The following BMPR1B variants were observed in gnomAD, a reference collection of about 807,000 sequenced individuals.
The protein encoded by BMPR1B is bone morphogenetic protein receptor type-1B.
A neutral mutation model predicts 59.1 loss-of-function variants in BMPR1B; 12 were observed. That is an observed-to-expected ratio of 0.20 (90% CI 0.13 to 0.33). BMPR1B has a LOEUF of 0.33. Ranked by LOEUF, BMPR1B falls within the 10% of genes least tolerant of loss-of-function variation. BMPR1B has a pLI of 1.00. For synonymous variants in BMPR1B, 237 were observed against 207.3 expected, an observed-to-expected ratio of 1.14 and a Z score of -1.23; for missense variants, 550 against 610.9, an observed-to-expected ratio of 0.90 and a Z score of 1.05.
At chr4:94,802,047 A>G (rs1168430600) in intron 1 of BMPR1B, among the ~76,000 whole-genome samples, 1 of 152,190 alleles carries the variant, frequency 6.6e-6, no homozygotes, top group African/African-American at 2.4e-5. Context: ...GATTAAATGC[A>G]TAGGGTTATT....
chr4:95,116,033 C>G (rs1301193196), intron 6 of BMPR1B, among the ~76,000 whole-genome samples: 2 of 151,982 alleles, frequency 1.3e-5, no homozygotes, highest in African/African-American at 2.4e-5. Context: ...ATTGCTATTC[C>G]TAGAGTTTGT....
chr4:95,026,107 T>TTTCCTTCTTTCTTTCC (rs1206670464), intron 3 of BMPR1B, among the ~76,000 whole-genome samples: 1 of 129,534 alleles, frequency 7.7e-6, no homozygotes, highest in South Asian at 2.7e-4. Context: ...CATTTCTTTC[T>TTTCCTTCTTTCTTTCC]TTCTTTCTTT....
At chr4:94,947,465 G>A (rs1729761742) in intron 2 of BMPR1B, among the ~76,000 whole-genome samples, 1 of 152,176 alleles carries the variant, frequency 6.6e-6, no homozygotes, top group Non-Finnish European at 1.5e-5. Context: ...CTTTCCAGAT[G>A]CCCACGCCTT....
intron 10 of BMPR1B, among the ~76,000 whole-genome samples, chr4:95,146,154 T>C (rs985806702): frequency 6.6e-6 from 1 of 152,100 alleles, no homozygotes; most frequent in Non-Finnish European, 1.5e-5. Context: ...CAAATGTTAC[T>C]AGGGAGAAGA....
At chr4:94,976,795 C>G (rs1168428887) in intron 2 of BMPR1B, among the ~76,000 whole-genome samples, 1 of 152,092 alleles carries the variant, frequency 6.6e-6, no homozygotes, top group Non-Finnish European at 1.5e-5. Context: ...ATATTCCATA[C>G]TGACTCTGAA....
At chr4:94,882,579 T>C (rs1378299171) in intron 2 of BMPR1B, among the ~76,000 whole-genome samples, 1 of 152,172 alleles carries the variant, frequency 6.6e-6, no homozygotes, top group Non-Finnish European at 1.5e-5. Context: ...TAATCCTCTT[T>C]TTGCAGATGA....
chr4:95,053,845 G>T (rs1726714079), intron 3 of BMPR1B, among the ~76,000 whole-genome samples: 1 of 152,090 alleles, frequency 6.6e-6, no homozygotes, highest in Non-Finnish European at 1.5e-5. Flanking sequence ...TACAGAATGT[G>T]CTATAAACAG....
chr4:95,104,498 C>G lies in BMPR1B; in HGVS notation c.74C>G (p.Pro25Arg), dbSNP rs145700191. ...GATGGTGAGAGTACAGCCCCCACCC[C>G]CCGTCCAAAGGTCTTGCGTTGTAAA... The part of the protein sequence containing the change: ...KEDGESTAPT[P>R]RPKVLRCKCH... Residue 25 changes from proline to arginine, a missense_variant, in exon 4 of 13, where the codon CCC (proline) becomes CGC (arginine). By Grantham distance (103) the Pro-to-Arg change is moderately radical. Transcript: ENST00000515059. 89 of 1,613,464 alleles carry G rather than the reference C, an allele frequency of 5.5e-5. 1 individual carries two copies. In the African/African-American group the frequency reaches 6.8e-4, roughly 12 times the overall value.
rs1302781353 is a variant in BMPR1B at position 95,158,351 on chromosome 4, G to A, written c.*3678G>A. 3 of 152,098 alleles carry A rather than the reference G, an allele frequency of 2.0e-5. No individual in the cohort carries two copies. The highest frequency in any genetic ancestry group is 6.5e-5 in the Admixed American group (1 of 15,268). The allele number at this position is 152,098 out of a possible 1,614,324, so 9.4% of individuals were successfully genotyped here. A position where few individuals can be genotyped will look rare whatever the true frequency, so the allele number is the denominator to read the frequency against. ...TATATACTGTAATTATTCAGGACTA[G>A]GGAACAAACAATTGTATTGTATTTG... On this transcript the variant is annotated 3_prime_UTR_variant, in exon 13 of 13. Transcript: ENST00000515059.
At chr4:94,951,478 A>G (rs998495884) in intron 2 of BMPR1B, among the ~76,000 whole-genome samples, 2 of 152,160 alleles carry the variant, frequency 1.3e-5, no homozygotes, top group African/African-American at 2.4e-5. Flanking sequence ...TGTTTTTAGC[A>G]TGAAGCGCTG....
intron 2 of BMPR1B, among the ~76,000 whole-genome samples, chr4:94,985,386 T>C (rs1009790916): frequency 1.3e-5 from 2 of 151,964 alleles, no homozygotes; most frequent in African/African-American, 4.8e-5. Context: ...TACTCAAGAA[T>C]CTCGAGTAGA....
chr4:94,856,203 T>C (rs748253369), intron 1 of BMPR1B, among the ~76,000 whole-genome samples: 2 of 152,172 alleles, frequency 1.3e-5, no homozygotes, highest in African/African-American at 2.4e-5. Flanking sequence ...TTTGATAAGA[T>C]CTGCTGCTTG....
intron 3 of BMPR1B, among the ~76,000 whole-genome samples, chr4:95,016,048 A>G (rs1259332485): frequency 6.6e-6 from 1 of 152,092 alleles, no homozygotes; most frequent in Non-Finnish European, 1.5e-5. Flanking sequence ...TCAGACTTAG[A>G]TATTGAGTAG....
chr4:94,848,299 C>T (rs992069858), intron 1 of BMPR1B, among the ~76,000 whole-genome samples: 2 of 152,104 alleles, frequency 1.3e-5, no homozygotes, highest in African/African-American at 4.8e-5. Context: ...TCATTAAACC[C>T]CCAACATGCC....
chr4:94,804,926 A>G (rs1723549980), intron 1 of BMPR1B, among the ~76,000 whole-genome samples: 1 of 152,188 alleles, frequency 6.6e-6, no homozygotes, highest in Admixed American at 6.5e-5. Flanking sequence ...GATGGAGAGT[A>G]TAATATTAAT....
intron 10 of BMPR1B, among the ~76,000 whole-genome samples, chr4:95,142,642 T>C (rs564354033): frequency 1.3e-5 from 2 of 152,232 alleles, no homozygotes; most frequent in East Asian, 3.9e-4. Flanking sequence ...ACCATCCGCA[T>C]GTGCCCAAAG....
At chr4:94,914,850 G>C (rs1316068205) in intron 2 of BMPR1B, among the ~76,000 whole-genome samples, 1 of 152,124 alleles carries the variant, frequency 6.6e-6, no homozygotes, top group Non-Finnish European at 1.5e-5. Flanking sequence ...TTTTGACTAA[G>C]TAGTCAACAA....
chr4:95,102,244 G>A (rs1340434385), intron 3 of BMPR1B, among the ~76,000 whole-genome samples: 3 of 152,238 alleles, frequency 2.0e-5, no homozygotes, highest in African/African-American at 7.2e-5. Context: ...TTAGAAAATA[G>A]CATCTTACTT....
intron 6 of BMPR1B, among the ~76,000 whole-genome samples, chr4:95,116,421 G>GCGCGCGCGCGCACACACACACACA: frequency 4.9e-5 from 6 of 123,198 alleles, no homozygotes; most frequent in African/African-American, 1.1e-4. Context: ...TTCAGCGCGC[G>GCGCGCGCGCGCACACACACACACA]CACACACACA....
Sources: allele counts gnomAD v4.1 joint callset (sites outside exome capture counted in the v4.1 genomes callset), GRCh38; gene constraint gnomAD v4.1.1; transcripts MANE v1.5; gene names NCBI Gene and HGNC (gene_info 2026-07-23, HGNC 2026-07-21).